The following CDH18 variants were observed in gnomAD, a reference collection of about 807,000 sequenced individuals.
CDH18 encodes cadherin 18.
Under a neutral mutation model 67.9 loss-of-function variants are expected in CDH18, and 31 were observed. The observed-to-expected ratio is 0.46, with a 90% CI of 0.34 to 0.62. The LOEUF is 0.62. Ranked by LOEUF, CDH18 falls within the 20% of genes least tolerant of loss-of-function variation. The pLI, the probability that CDH18 is intolerant of heterozygous loss-of-function variation, is 0.01. For synonymous variants in CDH18, 362 were observed against 347.2 expected, an observed-to-expected ratio of 1.04 and a Z score of -0.48; for missense variants, 890 against 975.5, an observed-to-expected ratio of 0.91 and a Z score of 1.17.
chr5:19,757,070 T>C (rs188398292), intron 3 of CDH18, among the ~76,000 whole-genome samples: 1 of 152,330 alleles, frequency 6.6e-6, no homozygotes, highest in East Asian at 1.9e-4. Flanking sequence ...ATGGGAAACA[T>C]GGTAAGACCA....
At chr5:19,476,400 G>A (rs1054868294) in intron 12 of CDH18, among the ~76,000 whole-genome samples, 1 of 152,014 alleles carries the variant, frequency 6.6e-6, no homozygotes, top group African/African-American at 2.4e-5. Context: ...CATATACGTT[G>A]CCTATATGTC....
intron 10 of CDH18, among the ~76,000 whole-genome samples, chr5:19,516,056 T>C (rs537669230): frequency 1.3e-5 from 2 of 152,214 alleles, no homozygotes; most frequent in Non-Finnish European, 2.9e-5. Flanking sequence ...TTTTTTAGCA[T>C]GAAGGGCTGT....
At chr5:19,495,841 G>A (rs973361403) in intron 11 of CDH18, among the ~76,000 whole-genome samples, 1 of 151,670 alleles carries the variant, frequency 6.6e-6, no homozygotes, top group Admixed American at 6.6e-5. Context: ...GAAGCAAACC[G>A]TTGGTTGCAA....
intron 1 of CDH18, among the ~76,000 whole-genome samples, chr5:20,269,834 A>C (rs1208098730): frequency 1.3e-5 from 2 of 152,154 alleles, no homozygotes; most frequent in Non-Finnish European, 2.9e-5. Context: ...GAATCTATGA[A>C]TGTAACAAAA....
At chr5:19,758,014 A>G (rs1771837947) in intron 3 of CDH18, among the ~76,000 whole-genome samples, 1 of 152,152 alleles carries the variant, frequency 6.6e-6, no homozygotes, top group South Asian at 2.1e-4. Context: ...TCAACTGATC[A>G]TAGGGAACCT....
intron 1 of CDH18, among the ~76,000 whole-genome samples, chr5:20,490,544 TA>T (rs1157828386): frequency 6.6e-6 from 1 of 152,040 alleles, no homozygotes; most frequent in Non-Finnish European, 1.5e-5. Context: ...AATATGATAA[TA>T]AAAATACCTT....
intron 2 of CDH18, among the ~76,000 whole-genome samples, chr5:19,912,038 C>G (rs1791202206): frequency 6.6e-6 from 1 of 151,946 alleles, no homozygotes; most frequent in Admixed American, 6.6e-5. Flanking sequence ...CTCTGGAAAT[C>G]TAAGGAGTCA....
chr5:20,373,047 T>C (rs904939555), intron 1 of CDH18, among the ~76,000 whole-genome samples: 1 of 152,192 alleles, frequency 6.6e-6, no homozygotes, highest in African/African-American at 2.4e-5. Flanking sequence ...ATTGTTATTG[T>C]TGATATTATA....
At chr5:20,448,439 T>G (rs1276650163) in intron 1 of CDH18, among the ~76,000 whole-genome samples, 2 of 152,176 alleles carry the variant, frequency 1.3e-5, no homozygotes, top group African/African-American at 4.8e-5. Flanking sequence ...TGAATAAACT[T>G]TATTTTTTCT....
At chr5:19,971,043 T>C (rs1797971064) in intron 2 of CDH18, among the ~76,000 whole-genome samples, 1 of 151,920 alleles carries the variant, frequency 6.6e-6, no homozygotes, top group African/African-American at 2.4e-5. Context: ...TAGATTTTAT[T>C]CTAAAAGAAA....
At chr5:19,892,247 G>A (rs1319568141) in intron 2 of CDH18, among the ~76,000 whole-genome samples, 1 of 151,764 alleles carries the variant, frequency 6.6e-6, no homozygotes, top group African/African-American at 2.4e-5. Context: ...TAAAGGACAA[G>A]TATATCTTTA....
rs976661732 is a variant in CDH18 at position 19,856,381 on chromosome 5, T to C, written c.-256-17139A>G. On this transcript the variant is annotated intron_variant, in intron 2 of 12. Transcript: ENST00000382275. ...TTTTGATGAAAAATTATGAGCAATA[T>C]TCCATCAAGAGAATATAAAAGACTG... Among the ~76,000 whole-genome samples the C allele has an allele frequency of 5.3e-5, 8 of 152,292 alleles. No individual in the cohort carries two copies. The East Asian group carries it at 1.5e-3, about 29-fold the overall frequency.
chr5:19,993,738 C>G (rs560007907), intron 2 of CDH18, among the ~76,000 whole-genome samples: 1 of 151,654 alleles, frequency 6.6e-6, no homozygotes, highest in African/African-American at 2.4e-5. Flanking sequence ...ATATAGATAT[C>G]GATATATAGA....
intron 1 of CDH18, among the ~76,000 whole-genome samples, chr5:20,504,611 C>T (rs1393263787): frequency 6.6e-6 from 1 of 151,692 alleles, no homozygotes; most frequent in Admixed American, 6.6e-5. Context: ...AGTATGATAG[C>T]AATATTTTAC....
In CDH18 at chr5:20,426,912, C is replaced by G. The variant is rs566893494; in HGVS notation, c.-580+148550G>C. On this transcript the variant is annotated intron_variant, in intron 1 of 14. Coordinates refer to the CDH18 transcript ENST00000507958. Reference sequence around the variant, plus strand: ...ATGATCTATTCAAGATATTTCACTCCTTGAAAACTCATTTTCTCCATCTAA... The same window carrying G: ...ATGATCTATTCAAGATATTTCACTCGTTGAAAACTCATTTTCTCCATCTAA... Among the ~76,000 whole-genome samples, 35 of 151,036 alleles carry G rather than the reference C, an allele frequency of 2.3e-4. 1 individual carries two copies. The highest frequency in any genetic ancestry group is 2.0e-3 in the Admixed American group (31 of 15,234).
intron 1 of CDH18, among the ~76,000 whole-genome samples, chr5:20,568,397 T>G (rs776534193): frequency 7.2e-5 from 11 of 152,130 alleles, no homozygotes; most frequent in Non-Finnish European, 1.6e-4. Flanking sequence ...AAGGAAAACT[T>G]TATTAAGTAA....
At chr5:20,297,022 T>C (rs1291467239) in intron 1 of CDH18, among the ~76,000 whole-genome samples, 1 of 152,172 alleles carries the variant, frequency 6.6e-6, no homozygotes, top group East Asian at 1.9e-4. Flanking sequence ...TTATATCTAC[T>C]TTATTATGTT....
intron 3 of CDH18, among the ~76,000 whole-genome samples, chr5:19,772,306 T>C (rs1773819973): frequency 6.6e-6 from 1 of 152,138 alleles, no homozygotes; most frequent in Non-Finnish European, 1.5e-5. Flanking sequence ...TAAGGAGAGT[T>C]AATCTGGATT....
chr5:20,079,387 A>G (rs1744249291), intron 2 of CDH18, among the ~76,000 whole-genome samples: 5 of 152,178 alleles, frequency 3.3e-5, no homozygotes, highest in Admixed American at 3.3e-4. Flanking sequence ...ACAAATGACA[A>G]TATGTTCTGT....
Sources: allele counts gnomAD v4.1 joint callset (sites outside exome capture counted in the v4.1 genomes callset), GRCh38; gene constraint gnomAD v4.1.1; transcripts MANE v1.5; gene names NCBI Gene and HGNC (gene_info 2026-07-23, HGNC 2026-07-21).